TXLNB: variants seen among roughly 807,000 people sequenced by gnomAD.
TXLNB encodes taxilin beta, also known as beta-taxilin.
A neutral mutation model predicts 57.4 loss-of-function variants in TXLNB; 37 were observed. That is an observed-to-expected ratio of 0.64 (90% CI 0.50 to 0.85). TXLNB has a LOEUF of 0.85. Among genes scored for constraint, TXLNB ranks in the 40% least tolerant of loss-of-function variants. The probability of loss-of-function intolerance (pLI) is 0.00; values close to 1 mark genes in which losing one functional copy is unlikely to be tolerated. For synonymous variants in TXLNB, 302 were observed against 309.6 expected, an observed-to-expected ratio of 0.98 and a Z score of 0.26; for missense variants, 848 against 825.6, an observed-to-expected ratio of 1.03 and a Z score of -0.33.
chr6:139,319,849 A>G, the TXLNB span, among the ~76,000 whole-genome samples: 1 of 152,190 alleles, frequency 6.6e-6, no homozygotes, highest in Non-Finnish European at 1.5e-5. Context: ...ATAAATGACT[A>G]TTTATAGTAT....
chr6:139,322,806 A>T, the TXLNB span, among the ~76,000 whole-genome samples: 1 of 151,892 alleles, frequency 6.6e-6, no homozygotes, highest in Non-Finnish European at 1.5e-5. Flanking sequence ...CACACTGCAC[A>T]TTTTCTGTAC....
the TXLNB span, among the ~76,000 whole-genome samples, chr6:139,217,241 T>C: frequency 5.9e-5 from 9 of 152,132 alleles, no homozygotes; most frequent in African/African-American, 1.9e-4. Context: ...CATTTAGTAC[T>C]TGAAAACCTC....
At chr6:139,169,221 C>G in the TXLNB span, among the ~76,000 whole-genome samples, 3 of 151,860 alleles carry the variant, frequency 2.0e-5, no homozygotes, top group African/African-American at 7.3e-5. Context: ...GATATTAGAC[C>G]CCTTAGATTA....
the TXLNB span, among the ~76,000 whole-genome samples, chr6:139,171,137 G>T: frequency 6.6e-6 from 1 of 152,084 alleles, no homozygotes; most frequent in Non-Finnish European, 1.5e-5. Flanking sequence ...AGCAAACATG[G>T]TTAAAAATAA....
chr6:139,214,105 G>C, the TXLNB span, among the ~76,000 whole-genome samples: 1 of 152,076 alleles, frequency 6.6e-6, no homozygotes, highest in South Asian at 2.1e-4. Flanking sequence ...AGAAAAAGAG[G>C]GAATCCTCCC....
chr6:139,161,366 G>C, the TXLNB span, among the ~76,000 whole-genome samples: 1 of 152,114 alleles, frequency 6.6e-6, no homozygotes, highest in Non-Finnish European at 1.5e-5. Context: ...AACAAGCAGG[G>C]CTGGCAAGTT....
At chr6:139,190,964 C>T in the TXLNB span, among the ~76,000 whole-genome samples, 2 of 152,124 alleles carry the variant, frequency 1.3e-5, no homozygotes, top group Non-Finnish European at 2.9e-5. Context: ...AAAAAGAAGA[C>T]ACCTTAAAAA....
chr6:139,167,464 T>G, the TXLNB span: 1 of 722,912 alleles, frequency 1.4e-6, no homozygotes, highest in Non-Finnish European at 2.2e-6. Context: ...ATTTGAATAT[T>G]TCAGCTTCGC....
chr6:139,289,537 T>G (rs9484259), intron 1 of TXLNB, among the ~76,000 whole-genome samples: 57,431 of 152,134 alleles, frequency 0.38, 13,059 homozygotes, highest in African/African-American at 0.65. Flanking sequence ...ATTACAATTA[T>G]TAAAGTAGGG....
At chr6:139,262,477 G>A (rs1776507478) in intron 5 of TXLNB, 102 bp downstream of exon 5, 3 of 1,041,454 alleles carry the variant, frequency 2.9e-6, no homozygotes, top group Non-Finnish European at 4.1e-6. Context: ...ATATTAATCA[G>A]TTGAGAGGGC....
chr6:139,251,193 A>G (rs1776197195), intron 7 of TXLNB, among the ~76,000 whole-genome samples: 1 of 152,246 alleles, frequency 6.6e-6, no homozygotes, highest in African/African-American at 2.4e-5. Flanking sequence ...AGTAAAATAC[A>G]CATAGCACAA....
At chr6:139,171,527 A>G in the TXLNB span, among the ~76,000 whole-genome samples, 11 of 152,240 alleles carry the variant, frequency 7.2e-5, no homozygotes, top group Admixed American at 1.3e-4. Context: ...TTATTGCCAC[A>G]TCTTTGAGAA....
At chr6:139,206,334 C>T in the TXLNB span, among the ~76,000 whole-genome samples, 2 of 152,150 alleles carry the variant, frequency 1.3e-5, no homozygotes, top group Non-Finnish European at 2.9e-5. Flanking sequence ...CATCTCAATA[C>T]TAACATTGAA....
the TXLNB span, among the ~76,000 whole-genome samples, chr6:139,191,695 T>C: frequency 1.3e-5 from 2 of 152,204 alleles, no homozygotes; most frequent in African/African-American, 2.4e-5. Context: ...TTAGAAACAA[T>C]GTATGGAATA....
At chr6:139,201,892 G>A in the TXLNB span, 1 of 152,240 alleles carries the variant, frequency 6.6e-6, no homozygotes, top group Non-Finnish European at 1.5e-5. Flanking sequence ...TGGCCTCAAA[G>A]CTGAAAACAC....
chr6:139,276,772 G>A (rs1776907378), intron 3 of TXLNB, 58 bp downstream of exon 3: 1 of 1,326,928 alleles, frequency 7.5e-7, no homozygotes, highest in Non-Finnish European at 1.1e-6. Flanking sequence ...GTTCCTTGAA[G>A]CTAGAGGCAC....
the TXLNB span, among the ~76,000 whole-genome samples, chr6:139,226,168 C>A: frequency 1.3e-5 from 2 of 151,562 alleles, no homozygotes; most frequent in African/African-American, 4.9e-5. Flanking sequence ...GCTGGTGATG[C>A]GTGCCTGTAG....
At position 139,284,735 on chromosome 6, in the gene TXLNB, C is replaced by A. The variant is rs1190402403; in HGVS notation, c.424+3741G>T. 4.1e-5 allele frequency among the ~76,000 whole-genome samples: 6 copies of A among 145,146 alleles called. 1 individual carries two copies. Among genetic ancestry groups the A allele is most frequent in the African/African-American group, 1.5e-4 (6 of 39,378 alleles). ...TCTGTGTGTGGGGGCTCAGGAGGAG[C>A]ATTTTTCACAAATTTTGCAATTGAT... is the stretch of plus-strand genomic sequence containing the variant. On this transcript the variant is annotated intron_variant, in intron 2 of 9. Transcript: ENST00000358430.
At position 139,243,089 on chromosome 6, in the gene TXLNB, T is replaced by G. The variant is rs200111741; in HGVS notation, c.1492A>C (p.Thr498Pro). ...IDAEEVNSVQ[T>P]AVKNLATAFM... ...GCTGTGGCCAGATTTTTCACGGCGGTTTGGACACTATTAACCTCCTCTGCG... is the reference window on the plus strand; with the variant it reads ...GCTGTGGCCAGATTTTTCACGGCGGGTTGGACACTATTAACCTCCTCTGCG... The change falls in exon 10 of 10, where the codon ACC (threonine) becomes CCC (proline). Residue 498 changes from threonine to proline, a missense_variant. Physicochemically the swap from Thr to Pro is conservative, Grantham distance 38 (BLOSUM62 -1). Coordinates refer to ENST00000358430, the MANE Select transcript of TXLNB (RefSeq NM_153235.4). The G allele has an allele frequency of 4.4e-4, 704 of 1,614,138 alleles. 2 individuals are homozygous for G. The highest frequency in any genetic ancestry group is 2.9e-3 in the South Asian group (262 of 91,080).
Sources: gnomAD v4.1 joint callset for allele counts (sites outside exome capture counted in the v4.1 genomes callset) on GRCh38, gnomAD v4.1.1 for gene constraint, MANE v1.5 for transcripts, NCBI Gene and HGNC (gene_info 2026-07-23, HGNC 2026-07-21) for gene names.